CACNA1A: variants seen among roughly 807,000 people sequenced by gnomAD.
CACNA1A encodes voltage-dependent P/Q-type calcium channel subunit alpha-1A.
CACNA1A carries 57 observed loss-of-function variants against 262.4 expected under a neutral mutation model. The ratio of observed to expected loss-of-function variants is 0.22; its 90% confidence interval spans 0.18 to 0.27. The LOEUF (loss-of-function observed/expected upper bound fraction) is 0.27, where lower values mean the gene tolerates loss of function less well. Ranked by LOEUF, CACNA1A falls within the 10% of genes least tolerant of loss-of-function variation. The pLI, the probability that CACNA1A is intolerant of heterozygous loss-of-function variation, is 1.00. For missense variants in CACNA1A, 2,526 were observed against 3,562.8 expected, an observed-to-expected ratio of 0.71 and a Z score of 7.41; for synonymous variants, 1,431 against 1,419.3, an observed-to-expected ratio of 1.01 and a Z score of -0.18.
At chr19:13,263,311 G>A (rs139075504) in intron 24 of CACNA1A, 386 of 166,670 alleles carry the variant, frequency 2.3e-3, no homozygotes, top group African/African-American at 8.5e-3. Flanking sequence ...GGGACTACAG[G>A]CACACGCCAC....
At chr19:13,346,639 TATATATATATATATATATATATATATA>T (rs1324990331) in intron 6 of CACNA1A, among the ~76,000 whole-genome samples, 2,037 of 8,756 alleles carry the variant, frequency 0.23, 55 homozygotes, top group Non-Finnish European at 0.26. Flanking sequence ...TATATATATA[TATATATATATATATATATATATATATA>T]TTTTTTTTTT....
chr19:13,486,654 G>C (rs1415601324), intron 1 of CACNA1A, among the ~76,000 whole-genome samples: 1 of 150,530 alleles, frequency 6.6e-6, no homozygotes. Flanking sequence ...ACAGGAGAAG[G>C]GGAAGATACA....
At chr19:13,230,867 C>T (rs980543612) in intron 35 of CACNA1A, among the ~76,000 whole-genome samples, 1 of 151,706 alleles carries the variant, frequency 6.6e-6, no homozygotes, top group South Asian at 2.1e-4. Context: ...GAAACAGAGT[C>T]AGTGAGAGGG....
rs79979814 is a variant in CACNA1A at position 13,410,739 on chromosome 19, T to G, written c.540-38960A>C. On this transcript the variant is annotated intron_variant, in intron 3 of 46. Transcript: ENST00000360228. The stretch of plus-strand genomic sequence containing the variant: ...AGGTCACGAAAGATCTCCATGCCAC[T>G]ACATCCAATGGTTGATTCTCATTTT... 3.2e-3 allele frequency among the ~76,000 whole-genome samples: 491 copies of G among 152,172 alleles called. 2 individuals are homozygous for G. Among genetic ancestry groups the G allele is most frequent in the African/African-American group, 0.011 (467 of 41,520 alleles).
intron 30 of CACNA1A, chr19:13,245,612 GCTC>G (rs1335170652): frequency 3.2e-5 from 8 of 251,972 alleles, no homozygotes; most frequent in Non-Finnish European, 5.3e-5. Context: ...ACATCACTGA[GCTC>G]CTCATGAAGA....
chr19:13,221,056 C>A (rs1417444726), intron 38 of CACNA1A, among the ~76,000 whole-genome samples: 1 of 150,588 alleles, frequency 6.6e-6, no homozygotes, highest in Non-Finnish European at 1.5e-5. Context: ...TTCCTCCCTT[C>A]TTTCCCTCAA....
rs577781391 is a variant in CACNA1A, at chr19:13,407,885, G to A, written c.540-36106C>T. 2.8e-3 allele frequency among the ~76,000 whole-genome samples: 427 copies of A among 152,218 alleles called. 4 individuals carry two copies. Among genetic ancestry groups the A allele is most frequent in the Non-Finnish European group, 4.3e-3 (294 of 68,002 alleles). On this transcript the variant is annotated intron_variant, in intron 3 of 46. Transcript: ENST00000360228. ...TGTTGGGGGAGGGACCTGGTAGGAG[G>A]TGATTGGATCCTGGGAGCAGATTTC... is the stretch of plus-strand genomic sequence containing the variant.
At chr19:13,277,762 C>T (rs1045895759) in intron 22 of CACNA1A, 10 of 152,622 alleles carry the variant, frequency 6.6e-5, no homozygotes, top group East Asian at 3.9e-4. Flanking sequence ...GATGAGGGTG[C>T]GCCGGCACAG....
chr19:13,437,479 T>C (rs2060631031), intron 3 of CACNA1A, among the ~76,000 whole-genome samples: 1 of 151,830 alleles, frequency 6.6e-6, no homozygotes, highest in African/African-American at 2.4e-5. Context: ...TCACCTGAGG[T>C]CAGGAGTTCA....
At chr19:13,359,581 C>T (rs1308163977) in intron 6 of CACNA1A, 25 bp downstream of exon 6, 2 of 1,582,338 alleles carry the variant, frequency 1.3e-6, no homozygotes, top group South Asian at 1.1e-5. Context: ...TGATTGTCCA[C>T]ACACACTGTC....
chr19:13,413,818 T>C (rs566654449), intron 3 of CACNA1A, among the ~76,000 whole-genome samples: 58 of 148,144 alleles, frequency 3.9e-4, no homozygotes, highest in African/African-American at 1.4e-3. Flanking sequence ...GAGGTGGAGG[T>C]TGCAGTGAGC....
chr19:13,354,792 T>C (rs1220284517), intron 6 of CACNA1A, among the ~76,000 whole-genome samples: 1 of 152,158 alleles, frequency 6.6e-6, no homozygotes, highest in Non-Finnish European at 1.5e-5. Context: ...GGGTAGGTTC[T>C]GATCCAATAC....
Position 13,257,497 on chromosome 19 carries a change from C to G in CACNA1A, c.4443G>C (p.Gly1481=), listed in dbSNP as rs750865024. 5 of 1,607,256 alleles carry G rather than the reference C, an allele frequency of 3.1e-6. No individual in the cohort carries two copies. Among genetic ancestry groups the G allele is most frequent in the Non-Finnish European group, 4.2e-6 (5 of 1,176,596 alleles). ...ATFENQGPSP[G]YRMEMSIFYV... is the part of the protein sequence containing the mutation. ...AGAAAATGGACATCTCCATGCGGTA[C>G]CCGGGGCTGGGGCCCTGGTTCTCAA... Residue 1481 remains glycine (G), a synonymous_variant, in exon 28 of 47, where the codon GGG becomes GGC. Transcript: ENST00000360228.
At chr19:13,315,453 G>C (rs1353324408) in intron 11 of CACNA1A, 1 of 152,176 alleles carries the variant, frequency 6.6e-6, no homozygotes, top group Non-Finnish European at 1.5e-5. Flanking sequence ...GACCTTTATA[G>C]ACACTGAGGA....
At chr19:13,234,412 A>G (rs2055793721) in intron 34 of CACNA1A, among the ~76,000 whole-genome samples, 2 of 151,580 alleles carry the variant, frequency 1.3e-5, no homozygotes, top group Non-Finnish European at 2.9e-5. Context: ...GAGTGAAGGA[A>G]CTTTTGTGTG....
intron 1 of CACNA1A, among the ~76,000 whole-genome samples, chr19:13,472,243 T>C (rs897591936): frequency 1.3e-5 from 2 of 152,120 alleles, no homozygotes; most frequent in Non-Finnish European, 2.9e-5. Flanking sequence ...AGTGCTAGGA[T>C]CACAGGTGTG....
chr19:13,456,127 G>C (rs931598837), intron 1 of CACNA1A, among the ~76,000 whole-genome samples: 1 of 151,702 alleles, frequency 6.6e-6, no homozygotes, highest in Non-Finnish European at 1.5e-5. Flanking sequence ...TCTAGCCTGG[G>C]CAACAGAGCA....
chr19:13,229,847 GCCCT>G, intron 36 of CACNA1A: 1 of 423,800 alleles, frequency 2.4e-6, no homozygotes, highest in Non-Finnish European at 4.2e-6. Context: ...CATGGTTGAC[GCCCT>G]CCCTCATTTC....
chr19:13,238,054 G>C (rs150477194), intron 31 of CACNA1A, among the ~76,000 whole-genome samples: 6 of 152,172 alleles, frequency 3.9e-5, no homozygotes, highest in South Asian at 2.1e-4. Context: ...GGAGCCAAGT[G>C]GGGGAGGAGA....
Sources: allele counts gnomAD v4.1 joint callset (sites outside exome capture counted in the v4.1 genomes callset), GRCh38; gene constraint gnomAD v4.1.1; transcripts MANE v1.5; gene names NCBI Gene and HGNC (gene_info 2026-07-23, HGNC 2026-07-21).